The following NBEA variants were observed in gnomAD, a reference collection of about 807,000 sequenced individuals.
The protein encoded by NBEA is neurobeachin.
In NBEA, 44 loss-of-function variants were observed where a neutral mutation model predicts 343.4. The ratio of observed to expected loss-of-function variants is 0.13; its 90% CI spans 0.10 to 0.16. The LOEUF is 0.16. Among genes scored for constraint, NBEA ranks in the 10% least tolerant of loss-of-function variants. The pLI, the probability that NBEA is intolerant of heterozygous loss-of-function variation, is 1.00. For missense variants in NBEA, 2,555 were observed against 3,631.3 expected (o/e 0.70, Z 7.62); for synonymous variants, 1,175 against 1,238.7 (o/e 0.95, Z 1.08).
At chr13:34,998,896 G>T (rs989309864) in intron 1 of NBEA, among the ~76,000 whole-genome samples, 3 of 152,168 alleles carry the variant, frequency 2.0e-5, no homozygotes, top group African/African-American at 7.2e-5. Flanking sequence ...ATTGATTGGG[G>T]AAGTGATAAG....
At chr13:34,951,457 G>C (rs1302858493) in intron 1 of NBEA, among the ~76,000 whole-genome samples, 3 of 152,148 alleles carry the variant, frequency 2.0e-5, no homozygotes, top group African/African-American at 7.2e-5. Context: ...CCTTGGTCCT[G>C]AGAATCACCT....
intron 24 of NBEA, among the ~76,000 whole-genome samples, chr13:35,165,751 C>A (rs951465560): frequency 8.0e-5 from 12 of 149,252 alleles, no homozygotes; most frequent in African/African-American, 3.0e-4. Context: ...GTAGGGCGAT[C>A]TCAGCTCACT....
At chr13:35,134,611 C>T (rs1034893361) in intron 17 of NBEA, among the ~76,000 whole-genome samples, 3 of 151,810 alleles carry the variant, frequency 2.0e-5, no homozygotes, top group African/African-American at 4.8e-5. Context: ...AAACTCTTAT[C>T]AGAAATAAAT....
chr13:35,067,105 G>T (rs1252712380), intron 8 of NBEA, among the ~76,000 whole-genome samples: 1 of 151,978 alleles, frequency 6.6e-6, no homozygotes, highest in Non-Finnish European at 1.5e-5. Context: ...TATAGTATCT[G>T]TATATGTTAC....
intron 38 of NBEA, among the ~76,000 whole-genome samples, chr13:35,394,749 G>A (rs546181919): frequency 6.6e-6 from 1 of 151,898 alleles, no homozygotes; most frequent in African/African-American, 2.4e-5. Flanking sequence ...ATTCCTTGTG[G>A]TTTCTTCTCT....
At chr13:34,992,758 C>T (rs539753348) in intron 1 of NBEA, among the ~76,000 whole-genome samples, 32 of 151,520 alleles carry the variant, frequency 2.1e-4, no homozygotes, top group South Asian at 4.2e-4. Flanking sequence ...CTGCAAGCTC[C>T]GACTCCCAGA....
chr13:35,169,882 A>G lies in NBEA; in HGVS notation c.4242+887A>G, dbSNP rs1357860421. 2.0e-5 allele frequency among the ~76,000 whole-genome samples: 3 copies of G among 151,790 alleles called. No individual in the cohort carries two copies. In the South Asian group the frequency reaches 6.2e-4, roughly 31 times the overall value. On this transcript the variant is annotated intron_variant, in intron 25 of 58. Coordinates refer to ENST00000379939, the MANE Select transcript of NBEA (RefSeq NM_001385012.1). ...AGAAGTAAAGAATCTGCATTTTAAA[A>G]TCCAAGTAATGAATTAATCATTTCT...
intron 41 of NBEA, chr13:35,476,510 G>A: frequency 1.5e-6 from 1 of 659,236 alleles, no homozygotes; most frequent in Non-Finnish European, 2.7e-6. Context: ...AAGTTGCGCT[G>A]AGACCCAGCA....
intron 36 of NBEA, among the ~76,000 whole-genome samples, chr13:35,326,210 A>G (rs185378195): frequency 2.6e-4 from 39 of 152,156 alleles, no homozygotes; most frequent in Admixed American, 6.6e-4. Flanking sequence ...GTTTGATAGG[A>G]ATAGTGTTGA....
chr13:35,105,763 C>T (rs1373502536), intron 11 of NBEA, among the ~76,000 whole-genome samples: 1 of 151,956 alleles, frequency 6.6e-6, no homozygotes, highest in African/African-American at 2.4e-5. Flanking sequence ...GGAGCACAAC[C>T]TTGGAGTCCT....
At chr13:35,560,347 T>C (rs1479124756) in intron 44 of NBEA, among the ~76,000 whole-genome samples, 2 of 152,252 alleles carry the variant, frequency 1.3e-5, no homozygotes, top group African/African-American at 4.8e-5. Context: ...AAAACAATTT[T>C]GTAATTTTCT....
At chr13:35,082,300 C>G (rs1161444046) in intron 10 of NBEA, among the ~76,000 whole-genome samples, 3 of 152,112 alleles carry the variant, frequency 2.0e-5, no homozygotes, top group Admixed American at 2.0e-4. Flanking sequence ...GCCACATTTT[C>G]TTAATCCAGT....
intron 38 of NBEA, 45 bp from the exon 39 acceptor site, chr13:35,432,224 T>G: frequency 6.7e-7 from 1 of 1,491,732 alleles, no homozygotes; most frequent in East Asian, 2.4e-5. Context: ...TTTCCAGCTA[T>G]GCATTGTTAT....
intron 41 of NBEA, among the ~76,000 whole-genome samples, chr13:35,478,932 G>A (rs929763848): frequency 6.6e-6 from 1 of 152,254 alleles, no homozygotes; most frequent in African/African-American, 2.4e-5. Context: ...GGCCTGCGAG[G>A]GATGCCGGTC....
At chr13:35,124,623 G>A (rs1193437151) in intron 17 of NBEA, among the ~76,000 whole-genome samples, 2 of 136,024 alleles carry the variant, frequency 1.5e-5, no homozygotes, top group African/African-American at 5.0e-5. Context: ...CATATATATG[G>A]ATATACATAC....
Position 35,171,373 on chromosome 13 carries a change from A to G in NBEA, c.4344A>G (p.Ala1448=). Residue 1448 remains alanine, a synonymous_variant, in exon 26 of 59, where the codon GCA becomes GCG. Transcript: ENST00000379939. ...LMAMVDVLVF[A]SSLNFSEIEA... Reference sequence around the variant, plus strand: ...CTATGGTTGATGTACTTGTGTTTGCAAGCTCTCTAAATTTTAGTGAGATTG... The same window carrying G: ...CTATGGTTGATGTACTTGTGTTTGCGAGCTCTCTAAATTTTAGTGAGATTG... The G allele has an allele frequency of 1.9e-6, 3 of 1,612,232 alleles. No homozygotes were observed. Among genetic ancestry groups the G allele is most frequent in the East Asian group, 2.2e-5 (1 of 44,804 alleles).
At chr13:35,593,544 C>G (rs756396972) in intron 47 of NBEA, 97 bp downstream of exon 47, 14 of 819,572 alleles carry the variant, frequency 1.7e-5, no homozygotes, top group Non-Finnish European at 2.4e-5. Context: ...TATATTGCAG[C>G]TTTGTTCCAT....
intron 38 of NBEA, among the ~76,000 whole-genome samples, chr13:35,358,348 A>G (rs940583308): frequency 2.6e-5 from 4 of 151,916 alleles, no homozygotes; most frequent in African/African-American, 9.7e-5. Context: ...TTGAGCTTCT[A>G]TTTGTGCAAA....
chr13:35,652,852 G>A (rs1488292674), intron 53 of NBEA, among the ~76,000 whole-genome samples: 2 of 150,706 alleles, frequency 1.3e-5, no homozygotes, highest in Non-Finnish European at 3.0e-5. Context: ...CCGCCACCGC[G>A]CCCGGCTAAT....
Sources: allele counts gnomAD v4.1 joint callset (sites outside exome capture counted in the v4.1 genomes callset), GRCh38; gene constraint gnomAD v4.1.1; transcripts MANE v1.5; gene names NCBI Gene and HGNC (gene_info 2026-07-23, HGNC 2026-07-21).